The following FTO variants were observed in gnomAD, a reference collection of about 807,000 sequenced individuals.
FTO encodes the protein alpha-ketoglutarate-dependent dioxygenase FTO.
In FTO, 47 loss-of-function variants were observed where a neutral mutation model predicts 63.9. That is an observed-to-expected ratio of 0.74 (90% CI 0.58 to 0.94). The LOEUF (loss-of-function observed/expected upper bound fraction) is 0.94, where lower values mean the gene tolerates loss of function less well. FTO is among the 40% of genes least tolerant of loss of function. The pLI, the probability that FTO is intolerant of heterozygous loss-of-function variation, is 0.00. For missense variants in FTO, 562 were observed against 618.1 expected, an observed-to-expected ratio of 0.91 and a Z score of 0.96; for synonymous variants, 207 against 224.4, an observed-to-expected ratio of 0.92 and a Z score of 0.69.
chr16:54,074,915 A>AT (rs2085954523), intron 8 of FTO, among the ~76,000 whole-genome samples: 1 of 127,264 alleles, frequency 7.9e-6, no homozygotes, highest in Non-Finnish European at 1.7e-5. Context: ...AGAGAGAGAG[A>AT]GAGTGTGTGT....
chr16:53,998,471 A>C (rs1185347167), intron 8 of FTO: 9 of 152,252 alleles, frequency 5.9e-5, no homozygotes, highest in African/African-American at 2.2e-4. Context: ...TACATAGTGA[A>C]TCTAGGTATC....
intron 4 of FTO, among the ~76,000 whole-genome samples, chr16:53,855,347 A>G (rs9933461): frequency 0.37 from 56,455 of 151,782 alleles, 13,430 homozygotes; most frequent in East Asian, 0.76. Flanking sequence ...GATCATTTGT[A>G]TTTCTCTTTC....
At chr16:53,809,985 T>A (rs945153683) in intron 1 of FTO, among the ~76,000 whole-genome samples, 155 bp from the exon 2 acceptor site, 1 of 152,110 alleles carries the variant, frequency 6.6e-6, no homozygotes, top group African/African-American at 2.4e-5. Flanking sequence ...AATTAATATA[T>A]TTTATAATTG....
At chr16:53,820,964 T>C (rs1306366843) in intron 2 of FTO, among the ~76,000 whole-genome samples, 2 of 152,112 alleles carry the variant, frequency 1.3e-5, no homozygotes, top group African/African-American at 4.8e-5. Context: ...AAAAATGGAA[T>C]ATTTTCCCAT....
intron 8 of FTO, among the ~76,000 whole-genome samples, chr16:54,074,893 AGG>A: frequency 8.5e-6 from 1 of 118,084 alleles, no homozygotes; most frequent in African/African-American, 3.9e-5. Flanking sequence ...AACTGGAAAG[AGG>A]GAGAGAGAGA....
intron 3 of FTO, among the ~76,000 whole-genome samples, chr16:53,833,938 A>G (rs1301435754): frequency 1.3e-5 from 2 of 151,830 alleles, no homozygotes; most frequent in African/African-American, 4.8e-5. Context: ...TTAGTTGTTG[A>G]GTTTTGTGAG....
At chr16:53,775,924 C>T (rs1269663256) in intron 1 of FTO, among the ~76,000 whole-genome samples, 2 of 152,028 alleles carry the variant, frequency 1.3e-5, no homozygotes, top group African/African-American at 4.8e-5. Flanking sequence ...TGACTATATA[C>T]TCTCCGCTCC....
intron 8 of FTO, among the ~76,000 whole-genome samples, chr16:53,935,037 T>G (rs1008389207): frequency 6.6e-6 from 1 of 152,208 alleles, no homozygotes; most frequent in African/African-American, 2.4e-5. Context: ...TGTGGTCCTA[T>G]TCTGTTTTGA....
At chr16:53,867,376 A>G (rs909392616) in intron 4 of FTO, among the ~76,000 whole-genome samples, 8 of 152,166 alleles carry the variant, frequency 5.3e-5, no homozygotes, top group African/African-American at 1.9e-4. Context: ...AGAGATTTTG[A>G]GATGGAATAA....
At chr16:53,845,303 TATG>T (rs1263423623) in intron 4 of FTO, among the ~76,000 whole-genome samples, 29 of 152,348 alleles carry the variant, frequency 1.9e-4, no homozygotes, top group African/African-American at 6.0e-4. Context: ...GCCCAGTATT[TATG>T]ATAACAGTTG....
At chr16:54,038,992 CAA>C (rs2085009175) in intron 8 of FTO, among the ~76,000 whole-genome samples, 1 of 152,186 alleles carries the variant, frequency 6.6e-6, no homozygotes. Context: ...GACAGGGACA[CAA>C]GAGCAGCCAG....
chr16:54,071,999 A>T (rs1214847946), intron 8 of FTO: 1 of 152,168 alleles, frequency 6.6e-6, no homozygotes, highest in East Asian at 1.9e-4. Context: ...TGTTGTTTTG[A>T]GTTGCTGTTT....
At chr16:53,841,193 A>G (rs2079467062) in intron 3 of FTO, among the ~76,000 whole-genome samples, 1 of 151,330 alleles carries the variant, frequency 6.6e-6, no homozygotes, top group African/African-American at 2.4e-5. Flanking sequence ...AGCTAGGAGA[A>G]AGTTTCAGAT....
intron 4 of FTO, among the ~76,000 whole-genome samples, chr16:53,854,136 A>G (rs774434782): frequency 6.6e-6 from 1 of 151,864 alleles, no homozygotes; most frequent in African/African-American, 2.4e-5. Flanking sequence ...AGAAATGTCT[A>G]TTCATGTCAT....
At chr16:53,918,203 G>C (rs1193263289) in intron 7 of FTO, among the ~76,000 whole-genome samples, 1 of 152,070 alleles carries the variant, frequency 6.6e-6, no homozygotes, top group East Asian at 1.9e-4. Context: ...TATTTTCCGG[G>C]AAATGTCTCA....
At chr16:54,007,117 C>G (rs1230649685) in intron 8 of FTO, among the ~76,000 whole-genome samples, 1 of 151,928 alleles carries the variant, frequency 6.6e-6, no homozygotes, top group Admixed American at 6.5e-5. Flanking sequence ...CTATTAAGGC[C>G]GATATGGTTT....
chr16:54,083,753 C>G (rs1221402379), intron 8 of FTO, among the ~76,000 whole-genome samples: 1 of 152,182 alleles, frequency 6.6e-6, no homozygotes, highest in Non-Finnish European at 1.5e-5. Context: ...CACTGCCCAG[C>G]CATTTTACTC....
intron 8 of FTO, among the ~76,000 whole-genome samples, chr16:54,078,158 TAAAC>T (rs1390390963): frequency 6.6e-6 from 1 of 151,998 alleles, no homozygotes; most frequent in East Asian, 1.9e-4. Flanking sequence ...GTCTAAATTC[TAAAC>T]AGTGTTCAAA....
intron 8 of FTO, among the ~76,000 whole-genome samples, chr16:53,968,188 T>C (rs2083237665): frequency 6.6e-6 from 1 of 152,200 alleles, no homozygotes; most frequent in African/African-American, 2.4e-5. Flanking sequence ...TGTGCATGAC[T>C]TCATAGGATG....
Sources: allele counts gnomAD v4.1 joint callset (sites outside exome capture counted in the v4.1 genomes callset), GRCh38; gene constraint gnomAD v4.1.1; transcripts MANE v1.5; gene names NCBI Gene and HGNC (gene_info 2026-07-23, HGNC 2026-07-21).